Variants in IER2 observed in about 807,000 individuals in gnomAD.
IER2 encodes immediate early response gene 2 protein.
For synonymous variants in IER2, 198 were observed against 149.6 expected, an observed-to-expected ratio of 1.32 and a Z score of -2.36; for missense variants, 372 against 325.4, an observed-to-expected ratio of 1.14 and a Z score of -1.10.
In IER2 at chr19:13,153,071, G is replaced by C; in HGVS notation, c.-116G>C. ...CGCCTGGGCAGAGCGTCCTAGCAGT[G>C]TCACTGCGTGGGTTGGTTTGTGTAG... On this transcript the variant is annotated 5_prime_UTR_variant, in exon 2 of 2. Transcript: ENST00000292433. 2 of 724,760 alleles carry C rather than the reference G, an allele frequency of 2.8e-6. No individual in the cohort carries two copies. The highest frequency in any genetic ancestry group is 4.3e-6 in the Non-Finnish European group (2 of 468,100). 44.9% of individuals were successfully genotyped at this position (724,760 alleles called of 1,614,324 possible). A position where few individuals can be genotyped will look rare whatever the true frequency, so the allele number is the denominator to read the frequency against.
Position 13,150,527 on chromosome 19 carries a change from C to G in IER2, c.-269C>G. On this transcript the variant is annotated 5_prime_UTR_variant, in exon 1 of 2. Transcript: ENST00000292433. The surrounding 1 kb of genome is among the most constrained non-coding windows in gnomAD (Gnocchi z 4.0). ...TCCTCGGATTGTTCCTGCGCAACTT[C>G]AGTTTCCCTTCCAGGCACGGGCAAT... 1 of 240,642 alleles carries G rather than the reference C, an allele frequency of 4.2e-6. No homozygotes were observed. The highest frequency in any genetic ancestry group is 8.1e-6 in the Non-Finnish European group (1 of 123,906). The allele number at this position is 240,642 out of a possible 1,614,324, so 14.9% of individuals were successfully genotyped here.
chr19:13,154,848 G>C lies in IER2; in HGVS notation c.*990G>C, dbSNP rs769282711. On this transcript the variant is annotated 3_prime_UTR_variant, in exon 2 of 2. Transcript: ENST00000292433. ...CGTGCGGTGGATTCTTTTTAACTCC[G>C]TCTACCTGGCGTTTTGTTAGAAATG... 1.2e-5 allele frequency: 2 copies of C among 166,724 alleles called. No homozygotes were observed. The highest frequency in any genetic ancestry group is 4.8e-5 in the African/African-American group (2 of 41,348). The allele number at this position is 166,724 out of a possible 1,614,324, so 10.3% of individuals were successfully genotyped here. A position where few individuals can be genotyped will look rare whatever the true frequency, so the allele number is the denominator to read the frequency against.
rs898732335 is a variant in IER2 at position 13,150,936 on chromosome 19, C to T, written c.-244+384C>T. Among the ~76,000 whole-genome samples, 1 of 151,794 alleles carries T rather than the reference C, an allele frequency of 6.6e-6. No homozygotes were observed. Among genetic ancestry groups the T allele is most frequent in the Non-Finnish European group, 1.5e-5 (1 of 67,974 alleles). On this transcript the variant is annotated intron_variant, in intron 1 of 1. Transcript: ENST00000292433. The surrounding 1 kb of genome is among the most constrained non-coding windows in gnomAD (Gnocchi z 4.0). Reference sequence around the variant, plus strand: ...GCGTGGAGGTGGGTTTCTTCAGAAGCGCGGAGTCTTTCTGGGTGCGAGCCT... The same window carrying T: ...GCGTGGAGGTGGGTTTCTTCAGAAGTGCGGAGTCTTTCTGGGTGCGAGCCT...
Position 13,153,047 on chromosome 19 carries a change from G to C in IER2, c.-140G>C. ...GTATAAAAGGGCCTGGGTGGCGGGC[G>C]CCTGGGCAGAGCGTCCTAGCAGTGT... On this transcript the variant is annotated 5_prime_UTR_variant, in exon 2 of 2. Transcript: ENST00000292433. The C allele has an allele frequency of 3.7e-6, 2 of 545,538 alleles. No individual in the cohort carries two copies. Among genetic ancestry groups the C allele is most frequent in the Non-Finnish European group, 6.1e-6 (2 of 327,578 alleles). 33.8% of individuals were successfully genotyped at this position (545,538 alleles called of 1,614,324 possible).
rs989815618 is a variant in IER2 at position 13,153,502 on chromosome 19, G to A, written c.316G>A (p.Glu106Lys). The change falls in exon 2 of 2, where the codon GAG becomes AAG. Residue 106 changes from glutamate (E) to lysine (K), a missense_variant. By Grantham distance (56) the Glu-to-Lys change is moderately conservative. Coordinates refer to ENST00000292433, the MANE Select transcript of IER2 (RefSeq NM_004907.3). ...CACGCAGGAGGCGCCGACAGCCGAG[G>A]AGACCTCCGCCTGCTGTGCCCCGCG... ...MDTQEAPTAEETSACCAPRPA... is the reference protein window; with the variant it reads ...MDTQEAPTAEKTSACCAPRPA... 1.9e-6 allele frequency: 3 copies of A among 1,584,944 alleles called. No individual in the cohort carries two copies. The highest frequency in any genetic ancestry group is 1.1e-5 in the South Asian group (1 of 88,100).
In IER2 at chr19:13,153,755, C is replaced by A. The variant is rs1262916775; in HGVS notation, c.569C>A (p.Pro190His). 6.3e-7 allele frequency: 1 copy of A among 1,584,322 alleles called. No individual in the cohort carries two copies. The highest frequency in any genetic ancestry group is 2.3e-5 in the East Asian group (1 of 42,798). The change falls in exon 2 of 2, where the codon CCC (proline) becomes CAC (histidine). Residue 190 changes from proline (P) to histidine (H), a missense_variant. Physicochemically the swap from Pro to His is moderately conservative, Grantham distance 77. Coordinates refer to ENST00000292433, the MANE Select transcript of IER2 (RefSeq NM_004907.3). ...RRFSGLLNCSPAAPPTAPPAC... is the reference protein window; with the variant it reads ...RRFSGLLNCSHAAPPTAPPAC... Reference sequence around the variant, plus strand: ...TTCTCCGGCCTCCTGAACTGCAGCCCCGCGGCCCCTCCGACGGCGCCGCCC... The same window carrying A: ...TTCTCCGGCCTCCTGAACTGCAGCCACGCGGCCCCTCCGACGGCGCCGCCC...
chr19:13,150,972 G>A lies in IER2; in HGVS notation c.-244+420G>A, dbSNP rs1245492155. ...TCTGGGTGCGAGCCTGGGGGTAGCGGGTGGTGGCTTTGAGGATGGTCTCCA... is the reference window on the plus strand; with the variant it reads ...TCTGGGTGCGAGCCTGGGGGTAGCGAGTGGTGGCTTTGAGGATGGTCTCCA... On this transcript the variant is annotated intron_variant, in intron 1 of 1. Coordinates refer to ENST00000292433, the MANE Select transcript of IER2 (RefSeq NM_004907.3). The surrounding 1 kb of genome is among the most constrained non-coding windows in gnomAD (Gnocchi z 4.0). Among the ~76,000 whole-genome samples the A allele has an allele frequency of 6.6e-6, 1 of 152,152 alleles. No homozygotes were observed. Among genetic ancestry groups the A allele is most frequent in the East Asian group, 1.9e-4 (1 of 5,194 alleles).
chr19:13,154,821 T>C lies in IER2; in HGVS notation c.*963T>C, dbSNP rs2020109615. On this transcript the variant is annotated 3_prime_UTR_variant, in exon 2 of 2. Transcript: ENST00000292433. ...TTCTGAGGGTCTGCTTTGTTTACCT[T>C]TCGTGCGGTGGATTCTTTTTAACTC... The C allele has an allele frequency of 6.0e-6, 1 of 167,034 alleles. No individual in the cohort carries two copies. Among genetic ancestry groups the C allele is most frequent in the African/African-American group, 2.4e-5 (1 of 41,442 alleles). The allele number at this position is 167,034 out of a possible 1,614,324, so 10.3% of individuals were successfully genotyped here.
At position 13,153,479 on chromosome 19, in the gene IER2, C is replaced by T. The variant is rs750325776; in HGVS notation, c.293C>T (p.Thr98Met). ...CACCCGTTTCCGGAGCCAATGGACA[C>T]GCAGGAGGCGCCGACAGCCGAGGAG... is the stretch of plus-strand genomic sequence containing the variant. The part of the protein sequence containing the change: ...GEHPFPEPMD[T>M]QEAPTAEETS... The change falls in exon 2 of 2, where the codon ACG (threonine) becomes ATG (methionine). Residue 98 changes from threonine (T) to methionine (M), a missense_variant. Physicochemically the swap from Thr to Met is moderately conservative, Grantham distance 81 (BLOSUM62 -1). Transcript: ENST00000292433. The T allele has an allele frequency of 1.9e-6, 3 of 1,589,828 alleles. No individual in the cohort carries two copies. The highest frequency in any genetic ancestry group is 1.3e-5 in the African/African-American group (1 of 74,272).
At chr19:13,151,801 GC>G (rs71168668) in intron 1 of IER2, among the ~76,000 whole-genome samples, 42 of 116,756 alleles carry the variant, frequency 3.6e-4, no homozygotes, top group Middle Eastern at 4.9e-3. Flanking sequence ...GCCCCTCCGC[GC>G]CCCCCCCCCG....
At position 13,153,445 on chromosome 19, in the gene IER2, G is replaced by C; in HGVS notation, c.259G>C (p.Asp87His). ...GTCCACGGCCGAGACAGCGACCCCCGACGGTGAGCACCCGTTTCCGGAGCC... is the reference window on the plus strand; with the variant it reads ...GTCCACGGCCGAGACAGCGACCCCCCACGGTGAGCACCCGTTTCCGGAGCC... ...AESTAETATP[D>H]GEHPFPEPMD... Residue 87 changes from aspartate to histidine, a missense_variant, in exon 2 of 2, where the codon GAC becomes CAC. Transcript: ENST00000292433. 6.3e-7 allele frequency: 1 copy of C among 1,595,306 alleles called. No homozygotes were observed. Among genetic ancestry groups the C allele is most frequent in the Non-Finnish European group, 8.5e-7 (1 of 1,172,770 alleles).
rs1422563237 is a variant in IER2, at chr19:13,153,451, G to A, written c.265G>A (p.Glu89Lys). 4 of 1,595,608 alleles carry A rather than the reference G, an allele frequency of 2.5e-6. No individual in the cohort carries two copies. The African/African-American group carries it at 4.0e-5, about 16-fold the overall frequency. The change falls in exon 2 of 2, where the codon GAG becomes AAG. Residue 89 changes from glutamate (E) to lysine (K), a missense_variant. Physicochemically the swap from Glu to Lys is moderately conservative, Grantham distance 56. Coordinates refer to ENST00000292433, the MANE Select transcript of IER2 (RefSeq NM_004907.3). ...STAETATPDG[E>K]HPFPEPMDTQ... ...GGCCGAGACAGCGACCCCCGACGGT[G>A]AGCACCCGTTTCCGGAGCCAATGGA...
chr19:13,152,315 GGGGAAT>G (rs2020076316), intron 1 of IER2: 2 of 152,282 alleles, frequency 1.3e-5, no homozygotes, highest in Non-Finnish European at 2.9e-5. Flanking sequence ...GGAAACTGCG[GGGGAAT>G]GGCTTGGTAC....
Position 13,154,692 on chromosome 19 carries a change from G to A in IER2, c.*834G>A, listed in dbSNP as rs948515954. 1 of 167,226 alleles carries A rather than the reference G, an allele frequency of 6.0e-6. No homozygotes were observed. Among genetic ancestry groups the A allele is most frequent in the South Asian group, 2.0e-4 (1 of 4,880 alleles). 10.4% of individuals were successfully genotyped at this position (167,226 alleles called of 1,614,324 possible). A position where few individuals can be genotyped will look rare whatever the true frequency, so the allele number is the denominator to read the frequency against. The stretch of plus-strand genomic sequence containing the variant: ...AGTTCCTGGTCTGAATCACGAGAAT[G>A]TGGAGGGGTGGGGGGTGTCAGTGGA... On this transcript the variant is annotated 3_prime_UTR_variant, in exon 2 of 2. Transcript: ENST00000292433.
At chr19:13,151,766 G>A (rs2020063484) in intron 1 of IER2, among the ~76,000 whole-genome samples, 1 of 151,758 alleles carries the variant, frequency 6.6e-6, no homozygotes, top group Admixed American at 6.6e-5. Flanking sequence ...GGATGGGGAG[G>A]GGCGTGGCCG....
In IER2 at chr19:13,150,490, T is replaced by A. The variant is rs981262937; in HGVS notation, c.-306T>A. On this transcript the variant is annotated 5_prime_UTR_variant, in exon 1 of 2. Coordinates refer to ENST00000292433, the MANE Select transcript of IER2 (RefSeq NM_004907.3). This position sits in a 1 kb window ranked among gnomAD's most constrained non-coding sequence, Gnocchi z 4.0. ...TCGGGTCCGAGTTCGGAATTTCGGT[T>A]CAAGGCCCAGTTCCTCGGATTGTTC... 6.3e-6 allele frequency: 2 copies of A among 319,866 alleles called. No homozygotes were observed. The highest frequency in any genetic ancestry group is 4.4e-5 in the African/African-American group (2 of 44,960). 19.8% of individuals were successfully genotyped at this position (319,866 alleles called of 1,614,324 possible).
intron 1 of IER2, chr19:13,152,202 C>T (rs1422960136): frequency 6.6e-6 from 1 of 152,232 alleles, no homozygotes; most frequent in Non-Finnish European, 1.5e-5. Flanking sequence ...GGAACTCGGC[C>T]CCCTTGTTTG....
At position 13,153,279 on chromosome 19, in the gene IER2, C is replaced by T; in HGVS notation, c.93C>T (p.His31=). 6.2e-7 allele frequency: 1 copy of T among 1,603,642 alleles called. No individual in the cohort carries two copies. Among genetic ancestry groups the T allele is most frequent in the Non-Finnish European group, 8.5e-7 (1 of 1,175,078 alleles). Residue 31 remains histidine (H), a synonymous_variant, in exon 2 of 2, where the codon CAC becomes CAT. Transcript: ENST00000292433. The part of the protein sequence containing the change: ...SRMQRGGLRL[H]RSLQLSLVMR... ...TGCAGCGCGGTGGCCTGCGGCTGCACCGGAGTCTGCAGCTGTCGCTGGTCA... is the reference window on the plus strand; with the variant it reads ...TGCAGCGCGGTGGCCTGCGGCTGCATCGGAGTCTGCAGCTGTCGCTGGTCA...
In IER2 at chr19:13,150,769, C is replaced by T. The variant is rs370059575; in HGVS notation, c.-244+217C>T. ...CGCGGTGAGGAGCGGGCCTGCTCCT[C>T]CGGGGAGTTCTGCCGCATTCTCCCA... On this transcript the variant is annotated intron_variant, in intron 1 of 1. Coordinates refer to ENST00000292433, the MANE Select transcript of IER2 (RefSeq NM_004907.3). This position sits in a 1 kb window ranked among gnomAD's most constrained non-coding sequence, Gnocchi z 4.0. 3.0e-4 allele frequency among the ~76,000 whole-genome samples: 45 copies of T among 152,288 alleles called. 1 individual carries two copies. Among genetic ancestry groups the T allele is most frequent in the African/African-American group, 1.0e-3 (42 of 41,572 alleles).
Sources: gnomAD v4.1 joint callset for allele counts (sites outside exome capture counted in the v4.1 genomes callset) on GRCh38, gnomAD v4.1.1 for gene constraint, Gnocchi (gnomAD v3.1) non-coding constraint, MANE v1.5 for transcripts, NCBI Gene and HGNC (gene_info 2026-07-23, HGNC 2026-07-21) for gene names.